The following POLN variants were observed in gnomAD, a reference collection of about 807,000 sequenced individuals.
POLN encodes DNA polymerase N.
POLN carries 108 observed loss-of-function variants against 113.5 expected under a neutral mutation model. That is an observed-to-expected ratio of 0.95 (90% confidence interval 0.81 to 1.12). The LOEUF (loss-of-function observed/expected upper bound fraction) is 1.12. Among genes scored for constraint, POLN ranks in the 50% most tolerant of loss-of-function variants. The probability of loss-of-function intolerance (pLI) is 0.00; values close to 1 mark genes in which losing one functional copy is unlikely to be tolerated. For synonymous variants in POLN, 386 were observed against 391.5 expected (o/e 0.99, Z 0.17); for missense variants, 1,097 against 1,077.1 (o/e 1.02, Z -0.26).
At chr4:2,129,974 C>T (rs905210752) in intron 17 of POLN, among the ~76,000 whole-genome samples, 17 of 151,252 alleles carry the variant, frequency 1.1e-4, no homozygotes, top group African/African-American at 3.9e-4. Context: ...CTCATTGGGG[C>T]GGGGAGCACT....
In POLN at chr4:2,182,187, G is replaced by A. The variant is rs566971340; in HGVS notation, c.1022-2722C>T. Among the ~76,000 whole-genome samples the A allele has an allele frequency of 3.3e-5, 5 of 152,218 alleles. No homozygotes were observed. The South Asian group carries it at 1.0e-3, about 32-fold the overall frequency. ...AGAATGGTGTTGGATACCAACAATG[G>A]GTGGAATTGTGGTCCTCAAAAGATA... On this transcript the variant is annotated intron_variant, in intron 7 of 25. Coordinates refer to ENST00000511885, the MANE Select transcript of POLN (RefSeq NM_181808.4).
intron 13 of POLN, among the ~76,000 whole-genome samples, chr4:2,161,929 A>G: frequency 6.6e-6 from 1 of 151,766 alleles, no homozygotes. Flanking sequence ...TTGTGTGGAC[A>G]CTCTGTATCT....
intron 9 of POLN, 73 bp downstream of exon 9, chr4:2,176,193 G>A: frequency 8.3e-7 from 1 of 1,206,764 alleles, no homozygotes; most frequent in Non-Finnish European, 1.2e-6. Flanking sequence ...AAACTCCCTG[G>A]GAGTGCGGGT....
intron 19 of POLN, among the ~76,000 whole-genome samples, chr4:2,098,355 G>C (rs577596740): frequency 6.6e-6 from 1 of 152,268 alleles, no homozygotes; most frequent in Admixed American, 6.5e-5. Context: ...GGAGGTTGAG[G>C]CTGCAGTGAG....
At chr4:2,174,636 C>T in intron 10 of POLN, 55 bp downstream of exon 10, 4 of 1,411,150 alleles carry the variant, frequency 2.8e-6, no homozygotes, top group Admixed American at 1.7e-5. Flanking sequence ...TCATCCCAAA[C>T]AATATGAAGA....
intron 5 of POLN, among the ~76,000 whole-genome samples, chr4:2,205,302 A>G (rs956655215): frequency 6.6e-6 from 1 of 152,214 alleles, no homozygotes; most frequent in Non-Finnish European, 1.5e-5. Context: ...ACAGTGACTA[A>G]GCTGAGAATC....
At chr4:2,104,029 A>G (rs35785545) in intron 19 of POLN, among the ~76,000 whole-genome samples, 1 of 152,258 alleles carries the variant, frequency 6.6e-6, no homozygotes, top group Non-Finnish European at 1.5e-5. Context: ...ATACAAAAGT[A>G]TAAAACTCAC....
chr4:2,163,336 T>A (rs1381525762), intron 13 of POLN, among the ~76,000 whole-genome samples: 1 of 152,232 alleles, frequency 6.6e-6, no homozygotes, highest in East Asian at 1.9e-4. Flanking sequence ...ACTCTCCTTA[T>A]CTTGATGACT....
chr4:2,095,513 A>C (rs1730767245), intron 20 of POLN, among the ~76,000 whole-genome samples: 1 of 152,170 alleles, frequency 6.6e-6, no homozygotes, highest in African/African-American at 2.4e-5. Flanking sequence ...CTAACTTTAT[A>C]ATGCCTTGGC....
intron 16 of POLN, chr4:2,156,356 A>C (rs1732424310): frequency 2.3e-6 from 1 of 429,704 alleles, no homozygotes; most frequent in Non-Finnish European, 4.5e-6. Flanking sequence ...CTGCATCATA[A>C]GTTCAAGGGA....
chr4:2,161,792 T>A (rs1233731418), intron 13 of POLN, among the ~76,000 whole-genome samples: 5 of 152,112 alleles, frequency 3.3e-5, no homozygotes, highest in African/African-American at 1.2e-4. Flanking sequence ...AATACACCAA[T>A]CGGCACTCTG....
intron 7 of POLN, among the ~76,000 whole-genome samples, chr4:2,191,381 A>T (rs1255233679): frequency 6.6e-6 from 1 of 152,218 alleles, no homozygotes; most frequent in Non-Finnish European, 1.5e-5. Context: ...AACGGTTACA[A>T]ATACATAGTT....
chr4:2,090,073 G>A, intron 20 of POLN: 2 of 910,954 alleles, frequency 2.2e-6, no homozygotes, highest in Non-Finnish European at 3.5e-6. Flanking sequence ...TTTTCCTACT[G>A]AGCTAGAAAA....
intron 16 of POLN, among the ~76,000 whole-genome samples, chr4:2,146,010 A>G (rs1212514232): frequency 1.3e-5 from 2 of 149,970 alleles, no homozygotes; most frequent in African/African-American, 4.9e-5. Context: ...ATTTATAAGT[A>G]CAATATGCTA....
At chr4:2,207,596 A>G (rs1403471641) in intron 5 of POLN, among the ~76,000 whole-genome samples, 1 of 152,186 alleles carries the variant, frequency 6.6e-6, no homozygotes, top group Non-Finnish European at 1.5e-5. Context: ...ATTTCATCAA[A>G]GAAGATATAT....
In POLN at chr4:2,198,574, C is replaced by T. The variant is rs774290471; in HGVS notation, c.858G>A (p.Glu286=). The change falls in exon 6 of 26, where the codon GAG becomes GAA. Residue 286 remains glutamate (E), a synonymous_variant. Coordinates refer to ENST00000511885, the MANE Select transcript of POLN (RefSeq NM_181808.4). The stretch of plus-strand genomic sequence containing the variant: ...GTTCTTGGTCCCAGATAGCAGAGTG[C>T]TCTATTTGAATGTAGATGCATGGAT... ...SDDPCIYIQI[E]HSAIWDQEQE... is the part of the protein sequence containing the mutation. 4.3e-6 allele frequency: 7 copies of T among 1,613,384 alleles called. No homozygotes were observed. The East Asian group carries it at 1.3e-4, about 31-fold the overall frequency.
intron 7 of POLN, among the ~76,000 whole-genome samples, chr4:2,187,229 TTTTTGTTTGTTTG>T (rs1372030243): frequency 1.1e-4 from 16 of 142,988 alleles, no homozygotes; most frequent in Non-Finnish European, 5.9e-5. Flanking sequence ...CTTCCCAAAT[TTTTTGTTTGTTTG>T]TTTTGTTTGT....
At chr4:2,129,287 A>C in intron 17 of POLN, 31 bp from the exon 18 acceptor site, 1 of 1,472,800 alleles carries the variant, frequency 6.8e-7, no homozygotes, top group East Asian at 2.3e-5. Flanking sequence ...CATTTAGTGA[A>C]TTTGGTCATG....
chr4:2,215,277 G>T (rs983859859), intron 3 of POLN, among the ~76,000 whole-genome samples: 1 of 152,156 alleles, frequency 6.6e-6, no homozygotes. Context: ...GTTGACTGAA[G>T]ATGATGACCT....
Sources: allele counts gnomAD v4.1 joint callset (sites outside exome capture counted in the v4.1 genomes callset), GRCh38; gene constraint gnomAD v4.1.1; transcripts MANE v1.5; gene names NCBI Gene and HGNC (gene_info 2026-07-23, HGNC 2026-07-21).